The following TSHZ2 variants were observed in gnomAD, a reference collection of about 807,000 sequenced individuals.
The protein encoded by TSHZ2 is teashirt zinc finger homeobox 2.
TSHZ2 carries 21 observed loss-of-function variants against 74.4 expected under a neutral mutation model. The ratio of observed to expected loss-of-function variants is 0.28; its 90% confidence interval spans 0.20 to 0.41. The LOEUF (loss-of-function observed/expected upper bound fraction) is 0.41. Among genes scored for constraint, TSHZ2 ranks in the 10% least tolerant of loss-of-function variants. The pLI is 1.00. For missense variants in TSHZ2, 1,244 were observed against 1,293.5 expected (o/e 0.96, Z 0.59); for synonymous variants, 540 against 515.3 (o/e 1.05, Z -0.65).
chr20:53,228,292 C>G (rs536874434), intron 1 of TSHZ2, among the ~76,000 whole-genome samples: 1 of 152,264 alleles, frequency 6.6e-6, no homozygotes, highest in South Asian at 2.1e-4. Flanking sequence ...AAACTCATCT[C>G]CAACTGACTT....
intron 1 of TSHZ2, among the ~76,000 whole-genome samples, chr20:53,016,877 A>G (rs1167718480): frequency 6.6e-6 from 1 of 152,146 alleles, no homozygotes; most frequent in African/African-American, 2.4e-5. Context: ...AATCACAATG[A>G]CTTAACACAA....
intron 2 of TSHZ2, among the ~76,000 whole-genome samples, chr20:53,308,721 CTATTT>C (rs1401937884): frequency 6.6e-6 from 1 of 152,098 alleles, no homozygotes; most frequent in Admixed American, 6.5e-5. Context: ...TTCATAATGT[CTATTT>C]TATTCTTCTT....
chr20:53,010,850 C>T (rs1982824095), intron 1 of TSHZ2, among the ~76,000 whole-genome samples: 1 of 152,000 alleles, frequency 6.6e-6, no homozygotes, highest in African/African-American at 2.4e-5. Flanking sequence ...GTTTTATTTT[C>T]CACCCAACTG....
At chr20:53,069,896 A>T (rs946305063) in intron 1 of TSHZ2, among the ~76,000 whole-genome samples, 1 of 152,116 alleles carries the variant, frequency 6.6e-6, no homozygotes, top group Non-Finnish European at 1.5e-5. Context: ...GCTTATTCTA[A>T]TTTACCCCTG....
chr20:53,120,910 TAGA>T (rs779207924), intron 1 of TSHZ2, among the ~76,000 whole-genome samples: 2 of 152,252 alleles, frequency 1.3e-5, no homozygotes, highest in Non-Finnish European at 2.9e-5. Context: ...AATCAAATCA[TAGA>T]AGATGTACAA....
chr20:53,310,815 T>C (rs1227600333), intron 2 of TSHZ2, among the ~76,000 whole-genome samples: 1 of 152,144 alleles, frequency 6.6e-6, no homozygotes, highest in Non-Finnish European at 1.5e-5. Context: ...CAGTGCATTA[T>C]AATTATGAAA....
chr20:53,232,180 G>A (rs1224892423), intron 1 of TSHZ2, among the ~76,000 whole-genome samples: 2 of 152,100 alleles, frequency 1.3e-5, no homozygotes, highest in Admixed American at 1.3e-4. Flanking sequence ...ATGAGCCACT[G>A]CACCTGGCCA....
At chr20:53,174,061 G>T (rs2123491646) in intron 1 of TSHZ2, among the ~76,000 whole-genome samples, 1 of 152,282 alleles carries the variant, frequency 6.6e-6, no homozygotes. Flanking sequence ...AGAGGAAGGG[G>T]AAATGGAGAG....
In TSHZ2 at chr20:53,235,712, G is replaced by A. The variant is rs180804057; in HGVS notation, c.41-17787G>A. Among the ~76,000 whole-genome samples the A allele has an allele frequency of 1.9e-3, 294 of 152,154 alleles. No homozygotes were observed. In the Middle Eastern group the frequency reaches 0.024, roughly 12 times the overall value. Reference sequence around the variant, plus strand: ...GATTTTATGAGATGCAAATTCTGTCGCCTGGAAGCTATTTAGATTTACAAT... The same window carrying A: ...GATTTTATGAGATGCAAATTCTGTCACCTGGAAGCTATTTAGATTTACAAT... On this transcript the variant is annotated intron_variant, in intron 1 of 2. Coordinates refer to ENST00000371497, the MANE Select transcript of TSHZ2 (RefSeq NM_173485.6).
intron 1 of TSHZ2, among the ~76,000 whole-genome samples, chr20:53,232,719 G>A (rs1215226401): frequency 6.6e-6 from 1 of 152,122 alleles, no homozygotes; most frequent in Non-Finnish European, 1.5e-5. Context: ...AACAGAGCGA[G>A]ACCCCCCCTC....
intron 1 of TSHZ2, among the ~76,000 whole-genome samples, chr20:52,975,763 T>A (rs564649588): frequency 6.6e-6 from 1 of 152,308 alleles, no homozygotes; most frequent in African/African-American, 2.4e-5. Flanking sequence ...CTTCTGTTCA[T>A]CTAAGGTCAT....
At chr20:53,228,037 T>C (rs1469717563) in intron 1 of TSHZ2, among the ~76,000 whole-genome samples, 2 of 140,680 alleles carry the variant, frequency 1.4e-5, no homozygotes, top group Non-Finnish European at 3.1e-5. Flanking sequence ...TTTTTTTTTT[T>C]TGATTCTGGT....
intron 1 of TSHZ2, among the ~76,000 whole-genome samples, chr20:53,161,287 A>G (rs551664565): frequency 6.6e-6 from 1 of 152,240 alleles, no homozygotes; most frequent in South Asian, 2.1e-4. Context: ...TGAGAGCAAA[A>G]GAGGTGTGCC....
intron 1 of TSHZ2, among the ~76,000 whole-genome samples, chr20:53,165,097 ATGGATGGATGGATGGATGGATGGATGGG>A (rs1236522798): frequency 1.3e-5 from 2 of 151,178 alleles, no homozygotes; most frequent in Admixed American, 6.6e-5. Context: ...GGAAGGGTGG[ATGGATGGATGGATGGATGGATGGATGGG>A]TGGATGGATG....
chr20:53,133,793 T>C (rs1279830197), intron 1 of TSHZ2, among the ~76,000 whole-genome samples: 1 of 152,094 alleles, frequency 6.6e-6, no homozygotes. Flanking sequence ...GTGTTCTTGA[T>C]TTTTTCTTAT....
chr20:53,241,530 A>G (rs1188904885), intron 1 of TSHZ2, among the ~76,000 whole-genome samples: 1 of 152,200 alleles, frequency 6.6e-6, no homozygotes, highest in East Asian at 1.9e-4. Context: ...GAATGAATTG[A>G]TTGAGAATAA....
In TSHZ2 at chr20:53,025,746, G is replaced by A. The variant is rs374599176; in HGVS notation, c.40+52413G>A. Among the ~76,000 whole-genome samples the A allele has an allele frequency of 1.2e-4, 18 of 152,180 alleles. No homozygotes were observed. In the East Asian group the frequency reaches 2.3e-3, roughly 20 times the overall value. On this transcript the variant is annotated intron_variant, in intron 1 of 2. Transcript: ENST00000371497. ...TTATATGATCTTCCTGTCACAAAATGAATCCTCTCTTGAACTCTCTGCAGT... is the reference window on the plus strand; with the variant it reads ...TTATATGATCTTCCTGTCACAAAATAAATCCTCTCTTGAACTCTCTGCAGT...
chr20:53,308,934 G>A (rs1407102160), intron 2 of TSHZ2, among the ~76,000 whole-genome samples: 3 of 152,160 alleles, frequency 2.0e-5, no homozygotes, highest in African/African-American at 7.2e-5. Context: ...GCCTTGCATC[G>A]GGGCAGCAGT....
At chr20:53,276,243 C>CT (rs1299120795) in intron 2 of TSHZ2, among the ~76,000 whole-genome samples, 1 of 116,494 alleles carries the variant, frequency 8.6e-6, no homozygotes, top group African/African-American at 5.7e-5. Context: ...CTGGCTCTTT[C>CT]ATTTTTTTTT....
Sources: allele counts gnomAD v4.1 joint callset (sites outside exome capture counted in the v4.1 genomes callset), GRCh38; gene constraint gnomAD v4.1.1; transcripts MANE v1.5; gene names NCBI Gene and HGNC (gene_info 2026-07-23, HGNC 2026-07-21).